Variants in DHRSX observed in about 807,000 individuals in gnomAD.
DHRSX encodes the protein polyprenol dehydrogenase.
Under a neutral mutation model 34.0 loss-of-function variants are expected in DHRSX, and 31 were observed. The observed-to-expected ratio is 0.91, with a 90% CI of 0.69 to 1.23. The LOEUF is 1.23. DHRSX is among the 50% of genes most tolerant of loss of function. The pLI, the probability that DHRSX is intolerant of heterozygous loss-of-function variation, is 0.00. For missense variants in DHRSX, 414 were observed against 428.1 expected (o/e 0.97, Z 0.29); for synonymous variants, 201 against 183.8 (o/e 1.09, Z -0.76).
chrX:2,229,181 C>T (rs1345523096), intron 6 of DHRSX, among the ~76,000 whole-genome samples: 1 of 152,112 alleles, frequency 6.6e-6, no homozygotes, highest in East Asian at 1.9e-4. Context: ...CATCTTAGGG[C>T]AGAAACTCAC....
intron 1 of DHRSX, chrX:2,490,615 G>A (rs754614717): frequency 1.7e-5 from 28 of 1,613,950 alleles, no homozygotes; most frequent in Middle Eastern, 1.7e-4. Context: ...TGCATCCCTC[G>A]GCGTTGGTGT....
intron 3 of DHRSX, among the ~76,000 whole-genome samples, chrX:2,321,197 T>C (rs2042306883): frequency 6.6e-6 from 1 of 152,154 alleles, no homozygotes. Flanking sequence ...ATTACAGCAC[T>C]GCTGCCAAAG....
intron 4 of DHRSX, among the ~76,000 whole-genome samples, chrX:2,275,343 CAAA>C (rs768710073): frequency 2.0e-4 from 26 of 127,326 alleles, no homozygotes; most frequent in East Asian, 2.5e-4. Flanking sequence ...ACTAAAAATA[CAAA>C]AAAAAAAAAA....
intron 3 of DHRSX, among the ~76,000 whole-genome samples, chrX:2,397,998 T>A (rs1293166740): frequency 6.6e-6 from 1 of 151,532 alleles, no homozygotes; most frequent in Non-Finnish European, 1.5e-5. Flanking sequence ...CATAGATACA[T>A]ATGCCAACAG....
At chrX:2,264,881 C>CCA (rs2041424588) in intron 5 of DHRSX, among the ~76,000 whole-genome samples, 1 of 115,138 alleles carries the variant, frequency 8.7e-6, no homozygotes, top group African/African-American at 2.6e-5. Flanking sequence ...AGCACTATGC[C>CCA]GGGCACCAAT....
chrX:2,291,110 A>T (rs180945297), intron 4 of DHRSX, among the ~76,000 whole-genome samples: 33 of 152,096 alleles, frequency 2.2e-4, no homozygotes, highest in African/African-American at 7.0e-4. Context: ...AATGTTGAAC[A>T]GGGGGTAAAA....
chrX:2,416,085 C>T (rs1295268713), intron 2 of DHRSX, among the ~76,000 whole-genome samples: 1 of 151,846 alleles, frequency 6.6e-6, no homozygotes, highest in Admixed American at 6.6e-5. Flanking sequence ...AACTAGATCT[C>T]GTCATGACCA....
intron 1 of DHRSX, among the ~76,000 whole-genome samples, chrX:2,492,989 C>T (rs1002739394): frequency 3.9e-5 from 6 of 152,224 alleles, no homozygotes; most frequent in Non-Finnish European, 7.3e-5. Context: ...TTTCCGTCAA[C>T]GGTGCCCGCC....
intron 3 of DHRSX, among the ~76,000 whole-genome samples, chrX:2,370,590 GA>G (rs59435030): frequency 0.57 from 75,346 of 132,790 alleles, 21,621 homozygotes; most frequent in Non-Finnish European, 0.67. Flanking sequence ...TGGTTTTACT[GA>G]AAAAAAAAAA....
chrX:2,371,404 A>ATTACCATAGACCCTCCTGCCG (rs752416128), intron 3 of DHRSX, among the ~76,000 whole-genome samples: 1 of 142,592 alleles, frequency 7.0e-6, no homozygotes, highest in Non-Finnish European at 1.5e-5. Context: ...CCCTTCTCAC[A>ATTACCATAGACCCTCCTGCCG]TTACCATAGT....
At position 2,324,774 on chromosome X, in the gene DHRSX, T is replaced by C. The variant is rs757704808; in HGVS notation, c.287-33171A>G. On this transcript the variant is annotated intron_variant, in intron 3 of 6. Coordinates refer to ENST00000334651, the MANE Select transcript of DHRSX (RefSeq NM_145177.3). ...CGGCAAGGCTTTTTTCTTTTCTTTT[T>C]TTTTTTTTTTTTGAGATGGAGTCCC... is the stretch of plus-strand genomic sequence containing the variant. Among the ~76,000 whole-genome samples the C allele has an allele frequency of 2.6e-4, 39 of 149,262 alleles. No individual in the cohort carries two copies. The East Asian group carries it at 2.7e-3, about 10-fold the overall frequency.
At chrX:2,460,533 C>T (rs1268215771) in intron 1 of DHRSX, among the ~76,000 whole-genome samples, 1 of 151,730 alleles carries the variant, frequency 6.6e-6, no homozygotes. Context: ...ATCCTTCAGC[C>T]TCAGCCTCCC....
intron 1 of DHRSX, among the ~76,000 whole-genome samples, chrX:2,452,454 G>C (rs757132704): frequency 6.6e-6 from 1 of 151,880 alleles, no homozygotes; most frequent in Admixed American, 6.6e-5. Flanking sequence ...TGTGGATAAG[G>C]GACCTCCGCC....
chrX:2,499,843 G>T (rs1408923281), intron 1 of DHRSX, among the ~76,000 whole-genome samples: 1 of 151,910 alleles, frequency 6.6e-6, no homozygotes. Flanking sequence ...CCAGGAGTTC[G>T]AGACCAGCCT....
intron 3 of DHRSX, among the ~76,000 whole-genome samples, chrX:2,353,717 G>A (rs1228879202): frequency 6.6e-6 from 1 of 151,230 alleles, no homozygotes; most frequent in African/African-American, 2.4e-5. Flanking sequence ...CTGAGTAGGT[G>A]GGACTACAGG....
At chrX:2,259,031 T>C (rs1194372758) in intron 5 of DHRSX, among the ~76,000 whole-genome samples, 2 of 152,226 alleles carry the variant, frequency 1.3e-5, no homozygotes, top group East Asian at 3.9e-4. Flanking sequence ...TCCCAGCACT[T>C]TGGGAGGCCG....
At chrX:2,264,359 G>A (rs80175475) in intron 5 of DHRSX, among the ~76,000 whole-genome samples, 1,940 of 149,694 alleles carry the variant, frequency 0.013, 32 homozygotes, top group Middle Eastern at 0.054. Flanking sequence ...AGGGAGCACT[G>A]TGCCCAGAGC....
intron 3 of DHRSX, among the ~76,000 whole-genome samples, chrX:2,310,033 C>A (rs2042144301): frequency 6.6e-6 from 1 of 152,148 alleles, no homozygotes; most frequent in South Asian, 2.1e-4. Flanking sequence ...GCCAACACAG[C>A]CCCTGAATCC....
At chrX:2,407,281 G>A (rs2317174) in intron 3 of DHRSX, among the ~76,000 whole-genome samples, 19,571 of 152,168 alleles carry the variant, frequency 0.13, 3,771 homozygotes, top group African/African-American at 0.42. Flanking sequence ...CAGTGAAAGC[G>A]TGGGCTAGGG....
Sources: allele counts gnomAD v4.1 joint callset (sites outside exome capture counted in the v4.1 genomes callset), GRCh38; gene constraint gnomAD v4.1.1; transcripts MANE v1.5; gene names NCBI Gene and HGNC (gene_info 2026-07-23, HGNC 2026-07-21).